Variants in ADSL observed in about 807,000 individuals in gnomAD.
ADSL encodes adenylosuccinate lyase, also known as adenylosuccinase.
ADSL carries 44 observed loss-of-function variants against 62.1 expected under a neutral mutation model. The ratio of observed to expected loss-of-function variants is 0.71; its 90% CI spans 0.56 to 0.91. The LOEUF is 0.91. Ranked by LOEUF, ADSL falls within the 40% of genes least tolerant of loss-of-function variation. The probability of loss-of-function intolerance (pLI) is 0.00; values close to 1 mark genes in which losing one functional copy is unlikely to be tolerated. For missense variants in ADSL, 531 were observed against 627.4 expected (o/e 0.85, Z 1.64); for synonymous variants, 198 against 220.5 (o/e 0.90, Z 0.90).
At chr22:40,364,403 G>T (rs547901118) in intron 11 of ADSL, 38 bp downstream of exon 11, 4 of 1,565,864 alleles carry the variant, frequency 2.6e-6, no homozygotes, top group Non-Finnish European at 2.6e-6. Context: ...AGTTGAGAGT[G>T]CACGTTTGGT....
At position 40,363,192 on chromosome 22, in the gene ADSL, C is replaced by T. The variant is rs748902365; in HGVS notation, c.1101+121C>T. ...CCGATAGGCATTCTTCCCACCCGAG[C>T]TCATCCTTCAGTTCATAAGCTCTAG... On this transcript the variant is annotated intron_variant, in intron 10 of 12. Transcript: ENST00000623063. 4.4e-5 allele frequency: 39 copies of T among 894,826 alleles called. 1 individual carries two copies. The South Asian group carries it at 5.1e-4, about 12-fold the overall frequency. The allele number at this position is 894,826 out of a possible 1,614,324, so 55.4% of individuals were successfully genotyped here. A position where few individuals can be genotyped will look rare whatever the true frequency, so the allele number is the denominator to read the frequency against.
chr22:40,356,032 C>CAAAAAAAAAA (rs1212379585), intron 4 of ADSL, among the ~76,000 whole-genome samples: 3 of 55,312 alleles, frequency 5.4e-5, no homozygotes, highest in Non-Finnish European at 1.0e-4. Flanking sequence ...ACTAAAAATA[C>CAAAAAAAAAA]AAAAAAAAAA....
chr22:40,350,221 TC>T, intron 2 of ADSL, 186 bp downstream of exon 2: 1 of 587,858 alleles, frequency 1.7e-6, no homozygotes, highest in South Asian at 2.0e-5. Flanking sequence ...CCTCCTGGGT[TC>T]ACACCATTCT....
intron 2 of ADSL, among the ~76,000 whole-genome samples, chr22:40,386,936 A>C (rs1010402502): frequency 3.3e-5 from 5 of 152,044 alleles, no homozygotes; most frequent in Admixed American, 6.6e-5. Context: ...TTCACACACA[A>C]AAAATTTTTT....
At chr22:40,360,776 G>C (rs1440522337) in intron 7 of ADSL, among the ~76,000 whole-genome samples, 1 of 150,498 alleles carries the variant, frequency 6.6e-6, no homozygotes, top group Non-Finnish European at 1.5e-5. Context: ...AGGCTGGAGT[G>C]CAATGGTATG....
intron 4 of ADSL, among the ~76,000 whole-genome samples, chr22:40,355,658 A>G (rs556366585): frequency 6.6e-6 from 1 of 152,306 alleles, no homozygotes; most frequent in South Asian, 2.1e-4. Flanking sequence ...TTTGGCTACT[A>G]TGAATAATGC....
chr22:40,347,639 C>G (rs1333477243), intron 1 of ADSL, among the ~76,000 whole-genome samples: 1 of 152,196 alleles, frequency 6.6e-6, no homozygotes, highest in Non-Finnish European at 1.5e-5. Context: ...TTCCCTCCCT[C>G]CCCTTATCAC....
In ADSL at chr22:40,369,091, C is replaced by G. The variant is rs1175154711; in HGVS notation, c.*2569C>G. On this transcript the variant is annotated 3_prime_UTR_variant, in exon 13 of 13. Transcript: ENST00000623063. ...TAATGTGAGAATTTATATTACATAA[C>G]AGATACTGGGGATATAGGATACCAT... 9 of 152,186 alleles carry G rather than the reference C, an allele frequency of 5.9e-5. 1 individual carries two copies. Among genetic ancestry groups the G allele is most frequent in the Admixed American group, 5.9e-4 (9 of 15,272 alleles). The allele number at this position is 152,186 out of a possible 1,614,324, so 9.4% of individuals were successfully genotyped here. A position where few individuals can be genotyped will look rare whatever the true frequency, so the allele number is the denominator to read the frequency against.
In ADSL at chr22:40,366,551, T is replaced by C. The variant is rs1425133441; in HGVS notation, c.*29T>C. 1 of 1,505,274 alleles carries C rather than the reference T, an allele frequency of 6.6e-7. No individual in the cohort carries two copies. Among genetic ancestry groups the C allele is most frequent in the Non-Finnish European group, 9.2e-7 (1 of 1,081,094 alleles). 93.2% of individuals were successfully genotyped at this position (1,505,274 alleles called of 1,614,324 possible). ...TGGAAGAGAATTAAACGAAAATCAT[T>C]GTTAATTGCTGAGGCATGAAAATTG... On this transcript the variant is annotated 3_prime_UTR_variant, in exon 13 of 13. Coordinates refer to ENST00000623063, the MANE Select transcript of ADSL (RefSeq NM_000026.4).
At chr22:40,360,850 C>T (rs1384785156) in intron 7 of ADSL, among the ~76,000 whole-genome samples, 1 of 151,780 alleles carries the variant, frequency 6.6e-6, no homozygotes, top group African/African-American at 2.4e-5. Flanking sequence ...GCTGGGATTA[C>T]AGGCATGCAC....
downstream of ADSL, among the ~76,000 whole-genome samples, chr22:40,371,053 G>A (rs547280910): frequency 6.6e-6 from 1 of 152,364 alleles, no homozygotes; most frequent in South Asian, 2.1e-4. Context: ...AAAGAGCCTG[G>A]CTGGCTCTGG....
downstream of ADSL, among the ~76,000 whole-genome samples, chr22:40,371,705 A>AT (rs551660513): frequency 3.2e-3 from 466 of 144,826 alleles, 3 homozygotes; most frequent in African/African-American, 9.4e-3. Flanking sequence ...TTTCTTTTCT[A>AT]TTTTTTTTTT....
chr22:40,381,372 C>G (rs2047553579), intron 2 of ADSL, among the ~76,000 whole-genome samples: 1 of 152,254 alleles, frequency 6.6e-6, no homozygotes, highest in Non-Finnish European at 1.5e-5. Context: ...TGGTCTCAAA[C>G]TCTTGGGCTC....
In ADSL at chr22:40,346,524, G is replaced by A. The variant is rs750649096; in HGVS notation, c.-35G>A. The A allele has an allele frequency of 6.9e-6, 11 of 1,587,726 alleles. No homozygotes were observed. The African/African-American group carries it at 1.3e-4, about 19-fold the overall frequency. ...CAGGTTTCCGCTTCCGCTCTTCCCT[G>A]GTCCAGTCCACCCTGGCGGGGTCGC... On this transcript the variant is annotated 5_prime_UTR_variant, in exon 1 of 13. Transcript: ENST00000623063.
downstream of ADSL, among the ~76,000 whole-genome samples, chr22:40,373,746 G>A: frequency 6.6e-6 from 1 of 151,628 alleles, no homozygotes; most frequent in East Asian, 1.9e-4. Flanking sequence ...CTCCCGAGTA[G>A]CTGAGACTGC....
Position 40,368,168 on chromosome 22 carries a change from C to G in ADSL, c.*1646C>G, listed in dbSNP as rs186535129. On this transcript the variant is annotated 3_prime_UTR_variant, in exon 13 of 13. Coordinates refer to ENST00000623063, the MANE Select transcript of ADSL (RefSeq NM_000026.4). ...GAAGAGTGACTTGATTGTGTGTTGC[C>G]CCAAGAGACACACTGAGCTCAATAC... 1.4e-4 allele frequency: 21 copies of G among 152,178 alleles called. No individual in the cohort carries two copies. Among genetic ancestry groups the G allele is most frequent in the African/African-American group, 5.1e-4 (21 of 41,516 alleles). The allele number at this position is 152,178 out of a possible 1,614,324, so 9.4% of individuals were successfully genotyped here.
chr22:40,374,339 A>C (rs573936478), downstream of ADSL, among the ~76,000 whole-genome samples: 1 of 152,300 alleles, frequency 6.6e-6, no homozygotes, highest in South Asian at 2.1e-4. Context: ...AGAAAGCTTA[A>C]ATTGGTCTAG....
intron 9 of ADSL, among the ~76,000 whole-genome samples, chr22:40,361,844 A>C (rs920463594): frequency 2.0e-5 from 3 of 152,262 alleles, no homozygotes; most frequent in African/African-American, 7.2e-5. Context: ...AAGAGGAAGG[A>C]ATAGTGTTTG....
intron 2 of ADSL, chr22:40,352,111 G>A (rs192514881): frequency 2.6e-4 from 39 of 152,256 alleles, no homozygotes; most frequent in African/African-American, 8.2e-4. Flanking sequence ...GTTTCATATC[G>A]ACATGTGTTG....
Sources: gnomAD v4.1 joint callset for allele counts (sites outside exome capture counted in the v4.1 genomes callset) on GRCh38, gnomAD v4.1.1 for gene constraint, MANE v1.5 for transcripts, NCBI Gene and HGNC (gene_info 2026-07-23, HGNC 2026-07-21) for gene names.